ZNF341: variants seen among roughly 807,000 people sequenced by gnomAD.
ZNF341 encodes the protein zinc finger protein 341.
In ZNF341, 52 loss-of-function variants were observed where a neutral mutation model predicts 87.7. The ratio of observed to expected loss-of-function variants is 0.59; its 90% CI spans 0.47 to 0.75. The LOEUF is 0.75. Among genes scored for constraint, ZNF341 ranks in the 30% least tolerant of loss-of-function variants. The pLI, the probability that ZNF341 is intolerant of heterozygous loss-of-function variation, is 0.00. For missense variants in ZNF341, 977 were observed against 1,145.9 expected (o/e 0.85, Z 2.13); for synonymous variants, 459 against 472.7 (o/e 0.97, Z 0.38).
chr20:33,772,787 G>A (rs1247720719), intron 10 of ZNF341, among the ~76,000 whole-genome samples: 6 of 152,176 alleles, frequency 3.9e-5, no homozygotes, highest in African/African-American at 1.2e-4. Flanking sequence ...AAAAAGTGGG[G>A]CCAAGGCATG....
intron 8 of ZNF341, among the ~76,000 whole-genome samples, chr20:33,765,104 A>G (rs2019378620): frequency 6.6e-6 from 1 of 151,800 alleles, no homozygotes; most frequent in Admixed American, 6.6e-5. Context: ...CTGGAATTAT[A>G]GGTGTGAGCC....
chr20:33,755,748 A>C (rs1245316079), intron 5 of ZNF341, among the ~76,000 whole-genome samples: 1 of 151,866 alleles, frequency 6.6e-6, no homozygotes, highest in African/African-American at 2.4e-5. Context: ...ATGCACCACC[A>C]TGCCCATCTA....
chr20:33,763,685 T>A (rs1321665984), intron 8 of ZNF341, among the ~76,000 whole-genome samples: 1 of 152,138 alleles, frequency 6.6e-6, no homozygotes, highest in African/African-American at 2.4e-5. Context: ...GTCACTGTAG[T>A]TGATCAGAAG....
intron 1 of ZNF341, among the ~76,000 whole-genome samples, chr20:33,736,614 C>T (rs556082164): frequency 1.2e-4 from 18 of 152,174 alleles, no homozygotes; most frequent in East Asian, 7.7e-4. Flanking sequence ...CTCAGCCTCC[C>T]GAGTAGCTGG....
chr20:33,762,710 G>A (rs1169976565), intron 8 of ZNF341, among the ~76,000 whole-genome samples: 2 of 151,936 alleles, frequency 1.3e-5, no homozygotes, highest in South Asian at 2.1e-4. Flanking sequence ...GACAGGCCCT[G>A]GTATGTGATG....
intron 11 of ZNF341, among the ~76,000 whole-genome samples, chr20:33,783,482 G>A (rs1014562683): frequency 1.8e-4 from 27 of 152,284 alleles, no homozygotes; most frequent in African/African-American, 6.5e-4. Flanking sequence ...GAGTTTGTCA[G>A]TAAAGAGAGA....
intron 10 of ZNF341, among the ~76,000 whole-genome samples, chr20:33,776,977 A>G (rs1429415420): frequency 2.0e-5 from 3 of 151,958 alleles, no homozygotes; most frequent in Admixed American, 2.0e-4. Context: ...CCTAAAAACA[A>G]GGATAACCTC....
chr20:33,755,662 G>A (rs989728322), intron 5 of ZNF341, among the ~76,000 whole-genome samples: 4 of 144,544 alleles, frequency 2.8e-5, no homozygotes, highest in African/African-American at 7.8e-5. Context: ...GCATGATCAC[G>A]GCTCACCACA....
intron 11 of ZNF341, among the ~76,000 whole-genome samples, chr20:33,782,209 C>T (rs2019761127): frequency 6.6e-6 from 1 of 152,218 alleles, no homozygotes; most frequent in Admixed American, 6.5e-5. Context: ...CTCAAAGCTT[C>T]ATCATTTTGT....
chr20:33,770,343 G>GGGGGGGGCCTGGC, intron 10 of ZNF341, 51 bp downstream of exon 10: 2 of 511,254 alleles, frequency 3.9e-6, no homozygotes, highest in Non-Finnish European at 8.0e-6. Flanking sequence ...GGTGGGCAGG[G>GGGGGGGGCCTGGC]AGCCCAGGGC....
rs1021214273 is a variant in ZNF341 at position 33,732,346 on chromosome 20, G to A, written c.31+294G>A. Among the ~76,000 whole-genome samples, 1 of 151,442 alleles carries A rather than the reference G, an allele frequency of 6.6e-6. No individual in the cohort carries two copies. The highest frequency in any genetic ancestry group is 2.4e-5 in the African/African-American group (1 of 41,310). On this transcript the variant is annotated intron_variant, in intron 1 of 14. Transcript: ENST00000375200. The surrounding 1 kb of genome is among the most constrained non-coding windows in gnomAD (Gnocchi z 4.5). ...CGGGCGCGGGAGGGGCTCCCTGCAG[G>A]GAACTGCGCGGGAGGCGACGGCGGG... is the stretch of plus-strand genomic sequence containing the variant.
intron 11 of ZNF341, among the ~76,000 whole-genome samples, chr20:33,781,899 C>T (rs1320421218): frequency 6.6e-6 from 1 of 151,956 alleles, no homozygotes; most frequent in Non-Finnish European, 1.5e-5. Flanking sequence ...AGGCTGGTCT[C>T]AAACTCCTGG....
intron 9 of ZNF341, 123 bp from the exon 10 acceptor site, chr20:33,769,961 G>A (rs2019490368): frequency 4.6e-6 from 3 of 651,712 alleles, no homozygotes. Flanking sequence ...TAGCAGCAGG[G>A]GGGCAGAGGG....
At chr20:33,749,910 G>T (rs935399004) in intron 4 of ZNF341, among the ~76,000 whole-genome samples, 2 of 151,536 alleles carry the variant, frequency 1.3e-5, no homozygotes, top group Non-Finnish European at 2.9e-5. Context: ...GCGCCACCAC[G>T]CCCAGCTGAT....
At chr20:33,780,347 C>T (rs1450870601) in intron 10 of ZNF341, among the ~76,000 whole-genome samples, 1 of 150,816 alleles carries the variant, frequency 6.6e-6, no homozygotes, top group South Asian at 2.1e-4. Flanking sequence ...GACCACAGGG[C>T]CTTGTAGGCC....
chr20:33,762,392 G>A (rs756871418), intron 8 of ZNF341, among the ~76,000 whole-genome samples: 2 of 150,474 alleles, frequency 1.3e-5, no homozygotes, highest in Non-Finnish European at 3.0e-5. Context: ...ATTGACTTTG[G>A]GTAATTGAAA....
chr20:33,738,234 T>G, intron 1 of ZNF341, among the ~76,000 whole-genome samples: 1 of 151,324 alleles, frequency 6.6e-6, no homozygotes, highest in African/African-American at 2.4e-5. Flanking sequence ...AGTGCAAGAG[T>G]TTGAGACTGT....
intron 12 of ZNF341, chr20:33,787,435 ATC>A (rs1371333406): frequency 2.6e-5 from 4 of 152,172 alleles, no homozygotes; most frequent in Non-Finnish European, 5.9e-5. Flanking sequence ...GCATTTCCGT[ATC>A]GACTGGGTTG....
intron 6 of ZNF341, among the ~76,000 whole-genome samples, chr20:33,757,560 C>T (rs145110098): frequency 2.0e-5 from 3 of 152,354 alleles, no homozygotes; most frequent in Admixed American, 1.3e-4. Flanking sequence ...TGCATGGGCA[C>T]CAGGCACCCT....
Sources: gnomAD v4.1 joint callset for allele counts (sites outside exome capture counted in the v4.1 genomes callset) on GRCh38, gnomAD v4.1.1 for gene constraint, Gnocchi (gnomAD v3.1) non-coding constraint, MANE v1.5 for transcripts, NCBI Gene and HGNC (gene_info 2026-07-23, HGNC 2026-07-21) for gene names.